DAB1: variants seen among roughly 807,000 people sequenced by gnomAD.
DAB1 encodes the protein DAB adaptor protein 1, also known as disabled homolog 1.
A neutral mutation model predicts 64.6 loss-of-function variants in DAB1; 15 were observed. The observed-to-expected ratio is 0.23, with a 90% CI of 0.16 to 0.36. The LOEUF (loss-of-function observed/expected upper bound fraction) is 0.36. Among genes scored for constraint, DAB1 ranks in the 10% least tolerant of loss-of-function variants. The pLI is 1.00. For missense variants in DAB1, 596 were observed against 706.7 expected (o/e 0.84, Z 1.78); for synonymous variants, 235 against 251.9 (o/e 0.93, Z 0.64).
At chr1:58,314,565 C>G (rs577553469) in intron 4 of DAB1, among the ~76,000 whole-genome samples, 1 of 152,252 alleles carries the variant, frequency 6.6e-6, no homozygotes, top group South Asian at 2.1e-4. Context: ...AAGTGACGCC[C>G]CCATTGCCTC....
intron 5 of DAB1, among the ~76,000 whole-genome samples, chr1:58,038,734 G>C (rs1647086593): frequency 6.6e-6 from 1 of 152,150 alleles, no homozygotes; most frequent in African/African-American, 2.4e-5. Context: ...GTAGTGCAAG[G>C]TGGATTAACA....
intron 1 of DAB1, among the ~76,000 whole-genome samples, chr1:57,403,044 T>C (rs1450189240): frequency 6.6e-6 from 1 of 152,220 alleles, no homozygotes; most frequent in Non-Finnish European, 1.5e-5. Context: ...CATTTCCCAC[T>C]CTGATTTTCC....
At chr1:58,451,833 T>C (rs1332922381) in intron 3 of DAB1, among the ~76,000 whole-genome samples, 1 of 151,844 alleles carries the variant, frequency 6.6e-6, no homozygotes, top group East Asian at 1.9e-4. Flanking sequence ...GCAGCTCACA[T>C]ACTCAGTGTA....
intron 5 of DAB1, among the ~76,000 whole-genome samples, chr1:58,121,656 G>A (rs1311031082): frequency 2.6e-5 from 4 of 152,052 alleles, no homozygotes; most frequent in South Asian, 4.2e-4. Context: ...CTGCCTGCCC[G>A]ACCCAACTGT....
At chr1:57,728,222 A>G (rs1647264232) in intron 6 of DAB1, among the ~76,000 whole-genome samples, 2 of 152,210 alleles carry the variant, frequency 1.3e-5, no homozygotes, top group South Asian at 4.1e-4. Context: ...CATTAAAACC[A>G]AAGTCTGTTC....
chr1:57,734,059 G>A (rs964747312), intron 6 of DAB1, among the ~76,000 whole-genome samples: 1 of 152,084 alleles, frequency 6.6e-6, no homozygotes, highest in Admixed American at 6.6e-5. Context: ...TCTAAGCCAG[G>A]CAGCTGTGCC....
chr1:57,970,524 C>T (rs1358193050), intron 5 of DAB1, among the ~76,000 whole-genome samples: 2 of 151,962 alleles, frequency 1.3e-5, no homozygotes, highest in Non-Finnish European at 2.9e-5. Context: ...ATCTACGGCG[C>T]TTGAGGAAAA....
At chr1:58,473,673 A>C (rs1323766824) in intron 3 of DAB1, among the ~76,000 whole-genome samples, 1 of 152,182 alleles carries the variant, frequency 6.6e-6, no homozygotes, top group East Asian at 1.9e-4. Flanking sequence ...CTGGTTTGTA[A>C]GAGGTCTCAA....
chr1:57,541,948 G>C (rs1236320256), intron 7 of DAB1, among the ~76,000 whole-genome samples: 1 of 151,928 alleles, frequency 6.6e-6, no homozygotes. Context: ...GTGCAAGAGT[G>C]AACATGTGGA....
At chr1:57,935,826 C>G (rs1239898441) in intron 5 of DAB1, among the ~76,000 whole-genome samples, 1 of 152,198 alleles carries the variant, frequency 6.6e-6, no homozygotes, top group African/African-American at 2.4e-5. Context: ...ATCAGGCTGT[C>G]TATGGCTGCA....
chr1:57,460,430 A>G (rs912668613), intron 7 of DAB1, among the ~76,000 whole-genome samples: 1 of 152,212 alleles, frequency 6.6e-6, no homozygotes, highest in Admixed American at 6.5e-5. Context: ...GGCAAGCAAG[A>G]GTTAAACAGA....
intron 7 of DAB1, among the ~76,000 whole-genome samples, chr1:57,486,434 G>A (rs1426439288): frequency 6.6e-6 from 1 of 152,170 alleles, no homozygotes; most frequent in South Asian, 2.1e-4. Flanking sequence ...GAGGAGGAGA[G>A]ACTGCCAGTC....
chr1:58,136,771 T>C (rs369102268), intron 5 of DAB1, among the ~76,000 whole-genome samples: 16 of 152,350 alleles, frequency 1.1e-4, no homozygotes, highest in African/African-American at 3.6e-4. Flanking sequence ...CTGACATAGA[T>C]ATTCTCTTTA....
At chr1:57,178,816 C>T (rs1216878537) in intron 2 of DAB1, among the ~76,000 whole-genome samples, 1 of 151,878 alleles carries the variant, frequency 6.6e-6, no homozygotes, top group Non-Finnish European at 1.5e-5. Flanking sequence ...TATACAATCA[C>T]ATATATAATG....
In DAB1 at chr1:58,279,079, C is replaced by G. The variant is rs1224903441; in HGVS notation, n.309+64273G>C. 1.0e-3 allele frequency among the ~76,000 whole-genome samples: 2 copies of G among 1,982 alleles called. 1 individual carries two copies. Among genetic ancestry groups the G allele is most frequent in the African/African-American group, 2.8e-3 (2 of 704 alleles). The allele number at this position is 1,982 out of a possible 152,430, so 1.3% of individuals were successfully genotyped here. On this transcript the variant is annotated intron_variant and non_coding_transcript_variant, in intron 4 of 20. Transcript: ENST00000485760. Reference sequence around the variant, plus strand: ...GGGTAACAAAAATGGACTCTTTAGACACAAACCTACCCTACTCAGGAGGTA... The same window carrying G: ...GGGTAACAAAAATGGACTCTTTAGAGACAAACCTACCCTACTCAGGAGGTA...
At chr1:57,793,590 C>T (rs962827972) in intron 6 of DAB1, among the ~76,000 whole-genome samples, 1 of 152,116 alleles carries the variant, frequency 6.6e-6, no homozygotes, top group African/African-American at 2.4e-5. Context: ...GTCAGTGTTG[C>T]ATGGCAAGTG....
intron 2 of DAB1, among the ~76,000 whole-genome samples, chr1:57,255,621 T>G (rs1039768832): frequency 5.9e-5 from 9 of 152,156 alleles, no homozygotes; most frequent in Non-Finnish European, 1.0e-4. Flanking sequence ...ATCACACCAC[T>G]GCACTCCAGC....
At chr1:57,333,117 C>T (rs537461409) in intron 1 of DAB1, among the ~76,000 whole-genome samples, 8 of 152,302 alleles carry the variant, frequency 5.3e-5, no homozygotes, top group Admixed American at 2.0e-4. Context: ...ACTGATGTCC[C>T]GCACATCTGT....
chr1:57,737,926 C>T (rs1647776227), intron 6 of DAB1, among the ~76,000 whole-genome samples: 1 of 152,222 alleles, frequency 6.6e-6, no homozygotes. Context: ...TAGGGCAAAG[C>T]AGCAGGTCAC....
Sources: gnomAD v4.1 joint callset for allele counts (sites outside exome capture counted in the v4.1 genomes callset) on GRCh38, gnomAD v4.1.1 for gene constraint, MANE v1.5 for transcripts, NCBI Gene and HGNC (gene_info 2026-07-23, HGNC 2026-07-21) for gene names.